GCNT2: variants seen among roughly 807,000 people sequenced by gnomAD.
The protein encoded by GCNT2 is N-acetyllactosaminide beta-1,6-N-acetylglucosaminyl-transferase.
GCNT2 carries 34 observed loss-of-function variants against 34.2 expected under a neutral mutation model. The ratio of observed to expected loss-of-function variants is 1.00; its 90% CI spans 0.76 to 1.32. The LOEUF is 1.32. Ranked by LOEUF, GCNT2 falls within the 40% of genes most tolerant of loss-of-function variation. The pLI is 0.00. For missense variants in GCNT2, 584 were observed against 489.4 expected, an observed-to-expected ratio of 1.19 and a Z score of -1.82; for synonymous variants, 212 against 188.0, an observed-to-expected ratio of 1.13 and a Z score of -1.04.
rs541376445 is a variant in GCNT2 at position 10,533,268 on chromosome 6, T to C, written c.925+3432T>C. Reference sequence around the variant, plus strand: ...TTGCAGTGAGCCAAGATCCTGCCACTGCACTCGCGTCTGGGCGACAGAGTG... The same window carrying C: ...TTGCAGTGAGCCAAGATCCTGCCACCGCACTCGCGTCTGGGCGACAGAGTG... On this transcript the variant is annotated intron_variant, in intron 3 of 4. Transcript: ENST00000495262. 2.6e-5 allele frequency among the ~76,000 whole-genome samples: 4 copies of C among 151,852 alleles called. No homozygotes were observed. The South Asian group carries it at 8.3e-4, about 32-fold the overall frequency.
chr6:10,534,460 GCTCT>G (rs1270390452), intron 3 of GCNT2, among the ~76,000 whole-genome samples: 2 of 152,022 alleles, frequency 1.3e-5, no homozygotes, highest in East Asian at 1.9e-4. Context: ...GACAGCAAGT[GCTCT>G]CTGTGTCCCA....
chr6:10,551,450 TA>T (rs1043437783), intron 3 of GCNT2, among the ~76,000 whole-genome samples: 9 of 131,578 alleles, frequency 6.8e-5, no homozygotes, highest in African/African-American at 1.8e-4. Flanking sequence ...ATTATTAATT[TA>T]TTTTTTTTTT....
intron 3 of GCNT2, among the ~76,000 whole-genome samples, chr6:10,530,829 C>T (rs1761452600): frequency 6.6e-6 from 1 of 151,850 alleles, no homozygotes; most frequent in Non-Finnish European, 1.5e-5. Flanking sequence ...CTGAAGTGGG[C>T]GGATCACAAG....
chr6:10,528,650 AGG>A lies in GCNT2; in HGVS notation c.-261_-260del, dbSNP rs757569674. On this transcript the variant is annotated 5_prime_UTR_variant, in exon 3 of 5. Transcript: ENST00000495262. ...GTGTAGACACAGGTTGCAGGTTAGC[AGG>A]AGAACAGGCAAGCCAAATGCAAAGG... The A allele has an allele frequency of 5.3e-5, 28 of 532,154 alleles. No homozygotes were observed. The highest frequency in any genetic ancestry group is 1.0e-3 in the Middle Eastern group (2 of 1,906). The allele number at this position is 532,154 out of a possible 1,614,324, so 33.0% of individuals were successfully genotyped here. A position where few individuals can be genotyped will look rare whatever the true frequency, so the allele number is the denominator to read the frequency against.
intron 3 of GCNT2, among the ~76,000 whole-genome samples, chr6:10,599,513 G>C (rs1303619989): frequency 6.6e-6 from 1 of 152,158 alleles, no homozygotes; most frequent in Non-Finnish European, 1.5e-5. Flanking sequence ...TCCCAGCGGA[G>C]GTAAGAGCAG....
chr6:10,574,805 T>C, intron 3 of GCNT2: 1 of 624,216 alleles, frequency 1.6e-6, no homozygotes, highest in South Asian at 1.5e-5. Context: ...CCACTGGCTC[T>C]CATAAAGTGT....
chr6:10,529,220 C>T lies in GCNT2; in HGVS notation c.309C>T (p.Ile103=), dbSNP rs1237580634. The T allele has an allele frequency of 1.2e-6, 2 of 1,614,086 alleles. No homozygotes were observed. Among genetic ancestry groups the T allele is most frequent in the Non-Finnish European group, 1.7e-6 (2 of 1,180,044 alleles). Residue 103 remains isoleucine, a synonymous_variant, in exon 3 of 5, where the codon ATC becomes ATT. Transcript: ENST00000495262. ...AGFPLAYTVT[I]HKDFGTFERL... is the part of the protein sequence containing the mutation. ...TCCCTTTAGCTTACACAGTGACCAT[C>T]CACAAAGACTTCGGCACTTTTGAGA...
chr6:10,609,771 G>A (rs1451413700), intron 3 of GCNT2, among the ~76,000 whole-genome samples: 1 of 148,452 alleles, frequency 6.7e-6, no homozygotes, highest in African/African-American at 2.6e-5. Context: ...TAAGCATGAA[G>A]CTGGGTCCAG....
At chr6:10,541,477 C>T (rs1762035325) in intron 3 of GCNT2, among the ~76,000 whole-genome samples, 1 of 152,122 alleles carries the variant, frequency 6.6e-6, no homozygotes, top group African/African-American at 2.4e-5. Context: ...TGAACATACG[C>T]GTGCATGTAT....
intron 3 of GCNT2, among the ~76,000 whole-genome samples, chr6:10,614,644 A>AG (rs1554137834): frequency 0.07 from 10,002 of 143,820 alleles, 536 homozygotes; most frequent in African/African-American, 0.11. Context: ...AAAAAAAAAA[A>AG]AGAGAAAAAG....
chr6:10,547,865 T>G (rs1762332947), intron 3 of GCNT2, among the ~76,000 whole-genome samples: 1 of 152,340 alleles, frequency 6.6e-6, no homozygotes, highest in South Asian at 2.1e-4. Flanking sequence ...AGATTTATAT[T>G]TATTCAATGG....
intron 3 of GCNT2, among the ~76,000 whole-genome samples, chr6:10,613,646 C>G (rs1418035367): frequency 6.6e-6 from 1 of 152,090 alleles, no homozygotes; most frequent in Non-Finnish European, 1.5e-5. Flanking sequence ...GACCAGAAAA[C>G]AACATAAAAT....
chr6:10,605,423 T>C (rs906363044), intron 3 of GCNT2, among the ~76,000 whole-genome samples: 12 of 151,392 alleles, frequency 7.9e-5, no homozygotes, highest in Non-Finnish European at 1.6e-4. Context: ...TTGCCCAGGC[T>C]GGTCTTGAAC....
intron 3 of GCNT2, among the ~76,000 whole-genome samples, chr6:10,565,178 G>A (rs924237561): frequency 2.0e-5 from 3 of 152,246 alleles, no homozygotes; most frequent in South Asian, 2.1e-4. Context: ...CCGAGCGAAC[G>A]AGGATGAGAG....
rs966641301 is a variant in GCNT2 at position 10,588,220 on chromosome 6, A to G, written c.926-33131A>G. ...AGAGATGCTAAACTGTCAGGTCACA[A>G]AGACTTGTAGGAGGGGTGGTGAACC... On this transcript the variant is annotated intron_variant, in intron 3 of 4. Coordinates refer to ENST00000495262, the MANE Select transcript of GCNT2 (RefSeq NM_145649.5). Among the ~76,000 whole-genome samples, 22 of 152,228 alleles carry G rather than the reference A, an allele frequency of 1.4e-4. 1 individual carries two copies. The highest frequency in any genetic ancestry group is 4.1e-4 in the South Asian group (2 of 4,834).
chr6:10,535,141 G>A (rs1414542419), intron 3 of GCNT2, among the ~76,000 whole-genome samples: 2 of 152,080 alleles, frequency 1.3e-5, no homozygotes, highest in South Asian at 2.1e-4. Flanking sequence ...CCGAGATCGC[G>A]CCACTGCACT....
At chr6:10,601,527 C>G (rs1765085366) in intron 3 of GCNT2, among the ~76,000 whole-genome samples, 1 of 152,174 alleles carries the variant, frequency 6.6e-6, no homozygotes, top group African/African-American at 2.4e-5. Flanking sequence ...ACAGGAAAAA[C>G]TCTGCTTAGG....
chr6:10,542,841 C>T (rs529872709), intron 3 of GCNT2, among the ~76,000 whole-genome samples: 57 of 144,398 alleles, frequency 3.9e-4, no homozygotes, highest in South Asian at 2.0e-3. Context: ...CACATGTTTT[C>T]ATTTCTCCTG....
chr6:10,604,569 A>G (rs1244647595), intron 3 of GCNT2, among the ~76,000 whole-genome samples: 3 of 152,192 alleles, frequency 2.0e-5, no homozygotes. Flanking sequence ...ACTATGAAGT[A>G]TTATCTCTGG....
Sources: gnomAD v4.1 joint callset for allele counts (sites outside exome capture counted in the v4.1 genomes callset) on GRCh38, gnomAD v4.1.1 for gene constraint, MANE v1.5 for transcripts, NCBI Gene and HGNC (gene_info 2026-07-23, HGNC 2026-07-21) for gene names.